The following EXD3 variants were observed in gnomAD, a reference collection of about 807,000 sequenced individuals.
EXD3 encodes the protein exonuclease 3'-5' domain containing 3, also known as exonuclease mut-7 homolog.
Under a neutral mutation model 98.0 loss-of-function variants are expected in EXD3, and 92 were observed. The ratio of observed to expected loss-of-function variants is 0.94; its 90% CI spans 0.79 to 1.12. The LOEUF (loss-of-function observed/expected upper bound fraction) is 1.12, where lower values mean the gene tolerates loss of function less well. Among genes scored for constraint, EXD3 ranks in the 50% most tolerant of loss-of-function variants. The pLI, the probability that EXD3 is intolerant of heterozygous loss-of-function variation, is 0.00. For missense variants in EXD3, 1,222 were observed against 1,191.6 expected (o/e 1.03, Z -0.38); for synonymous variants, 569 against 526.0 (o/e 1.08, Z -1.12).
chr9:137,307,220 G>T lies in EXD3; in HGVS notation c.2361C>A (p.Arg787=). 6.4e-7 allele frequency: 1 copy of T among 1,573,098 alleles called. No individual in the cohort carries two copies. The highest frequency in any genetic ancestry group is 8.6e-7 in the Non-Finnish European group (1 of 1,159,666). ...DAAPEGCTYD[R]PCRWLQMADL... ...CAGCCATCTGCAGCCAGCGGCAGGG[G>T]CGGTCATAGGTGCAGCCCTCAGGGG... Residue 787 remains arginine (R), a synonymous_variant, in exon 22 of 22, where the codon CGC becomes CGA. Transcript: ENST00000340951.
intron 8 of EXD3, among the ~76,000 whole-genome samples, chr9:137,355,383 G>A (rs924720299): frequency 8.6e-5 from 13 of 151,680 alleles, no homozygotes; most frequent in Non-Finnish European, 1.6e-4. Flanking sequence ...GCGCAGCCAC[G>A]GGGAGCCGGG....
At chr9:137,322,011 C>A (rs1403732835) in intron 19 of EXD3, among the ~76,000 whole-genome samples, 2 of 152,180 alleles carry the variant, frequency 1.3e-5, no homozygotes, top group Non-Finnish European at 2.9e-5. Flanking sequence ...CCACTGGGGA[C>A]AGGAGAGGAG....
chr9:137,341,040 G>GT (rs1833626499), intron 17 of EXD3, among the ~76,000 whole-genome samples: 1 of 152,226 alleles, frequency 6.6e-6, no homozygotes. Context: ...GCCAAGCTGG[G>GT]CAGGGTGGCT....
chr9:137,376,343 C>CAAAAAAAA (rs765888922), intron 3 of EXD3, among the ~76,000 whole-genome samples: 2 of 39,958 alleles, frequency 5.0e-5, no homozygotes, highest in Admixed American at 2.9e-4. Context: ...GACTCTGTCT[C>CAAAAAAAA]AAAAAAAAAA....
Position 137,372,265 on chromosome 9 carries a change from C to T in EXD3, c.462+640G>A, listed in dbSNP as rs913501781. 1.2e-4 allele frequency among the ~76,000 whole-genome samples: 19 copies of T among 152,214 alleles called. 1 individual carries two copies. Among genetic ancestry groups the T allele is most frequent in the African/African-American group, 2.9e-4 (12 of 41,464 alleles). ...GCATCTCGCACCTGGGCGACTGTGC[C>T]GAGGTGCGACTGGTGCCCTGGCCCT... is the stretch of plus-strand genomic sequence containing the variant. On this transcript the variant is annotated intron_variant, in intron 5 of 21. Transcript: ENST00000340951.
intron 19 of EXD3, among the ~76,000 whole-genome samples, chr9:137,315,824 C>T (rs1178491125): frequency 6.6e-6 from 1 of 151,888 alleles, no homozygotes; most frequent in Non-Finnish European, 1.5e-5. Context: ...AGACCCGGGC[C>T]GCTCCCACCT....
chr9:137,351,497 C>A lies in EXD3; in HGVS notation c.1205G>T (p.Trp402Leu), dbSNP rs1269212738. The A allele has an allele frequency of 1.3e-6, 2 of 1,595,722 alleles. No individual in the cohort carries two copies. Among genetic ancestry groups the A allele is most frequent in the South Asian group, 2.3e-5 (2 of 88,400 alleles). ...GCCCCCAGCAACAAACACAGGTGTCCACTCCACGTCTACACCAACCACTTG... is the reference window on the plus strand; with the variant it reads ...GCCCCCAGCAACAAACACAGGTGTCAACTCCACGTCTACACCAACCACTTG... Reference protein sequence around the residue: ...CHQVVGVDVEWTPVFVAGGRP... With the variant: ...CHQVVGVDVELTPVFVAGGRP... Residue 402 changes from tryptophan (W) to leucine (L), a missense_variant, in exon 13 of 22, where the codon TGG becomes TTG. Coordinates refer to ENST00000340951, the MANE Select transcript of EXD3 (RefSeq NM_017820.5).
rs190387413 is a variant in EXD3, at chr9:137,400,464, C to T, written c.-47-5060G>A. Among the ~76,000 whole-genome samples, 22 of 152,296 alleles carry T rather than the reference C, an allele frequency of 1.4e-4. 1 individual carries two copies. The East Asian group carries it at 4.2e-3, about 29-fold the overall frequency. On this transcript the variant is annotated intron_variant, in intron 1 of 21. Coordinates refer to ENST00000340951, the MANE Select transcript of EXD3 (RefSeq NM_017820.5). ...TAGATACAATGGGGGTACAGGTATT[C>T]AGTACATACAGCCATTCTGGGCCGG...
In EXD3 at chr9:137,412,153, C is replaced by T. The variant is rs1022462748; in HGVS notation, c.-48+10961G>A. Reference sequence around the variant, plus strand: ...TGCGGCAAGGACAGGGGGCTGGAGGCCGGCCTGAGACCCAGAGCGAGTGGG... The same window carrying T: ...TGCGGCAAGGACAGGGGGCTGGAGGTCGGCCTGAGACCCAGAGCGAGTGGG... On this transcript the variant is annotated intron_variant, in intron 1 of 21. Transcript: ENST00000340951. 2.0e-5 allele frequency among the ~76,000 whole-genome samples: 3 copies of T among 152,226 alleles called. No individual in the cohort carries two copies. The South Asian group carries it at 6.2e-4, about 31-fold the overall frequency.
rs527731286 is a variant in EXD3, at chr9:137,403,057, T to G, written c.-47-7653A>C. 1.3e-5 allele frequency among the ~76,000 whole-genome samples: 2 copies of G among 152,198 alleles called. No homozygotes were observed. Among genetic ancestry groups the G allele is most frequent in the East Asian group, 1.9e-4 (1 of 5,166 alleles). ...CTGGGAGATACAATTCAAGTTGAGA[T>G]GTGGGTGAGGACACAGCCAAAGCAT... On this transcript the variant is annotated intron_variant, in intron 1 of 21. Transcript: ENST00000340951. The surrounding 1 kb of genome is among the most constrained non-coding windows in gnomAD (Gnocchi z 6.1).
chr9:137,354,283 C>A, intron 10 of EXD3, 56 bp downstream of exon 10: 1 of 1,600,268 alleles, frequency 6.2e-7, no homozygotes, highest in Admixed American at 1.7e-5. Flanking sequence ...GGCCTGTGCC[C>A]CTAGGACAGC....
chr9:137,366,904 T>C (rs1038486739), intron 6 of EXD3, among the ~76,000 whole-genome samples: 1 of 152,316 alleles, frequency 6.6e-6, no homozygotes, highest in South Asian at 2.1e-4. Flanking sequence ...TCACCAAATG[T>C]GGGGAGGCAG....
chr9:137,419,525 T>C (rs929660495), intron 1 of EXD3, among the ~76,000 whole-genome samples: 1 of 151,888 alleles, frequency 6.6e-6, no homozygotes, highest in Non-Finnish European at 1.5e-5. Context: ...CAAAATTAGC[T>C]GGGCATGGTG....
At position 137,313,828 on chromosome 9, in the gene EXD3, A is replaced by G. The variant is rs550435612; in HGVS notation, c.2185-4128T>C. On this transcript the variant is annotated intron_variant, in intron 19 of 21. Transcript: ENST00000340951. ...TGCTCATTTAGAGCAAACTGGGAAAACGGCAAAGCATGAAAGAGCAAAGAT... is the reference window on the plus strand; with the variant it reads ...TGCTCATTTAGAGCAAACTGGGAAAGCGGCAAAGCATGAAAGAGCAAAGAT... Among the ~76,000 whole-genome samples the G allele has an allele frequency of 2.0e-5, 3 of 152,248 alleles. No individual in the cohort carries two copies. In the East Asian group the frequency reaches 5.8e-4, roughly 29 times the overall value.
intron 2 of EXD3, chr9:137,392,715 T>TCTGTTCCAGGAGCACCAGG (rs1836988227): frequency 3.0e-6 from 1 of 336,546 alleles, no homozygotes; most frequent in African/African-American, 2.4e-5. Flanking sequence ...GGGGGCTGTG[T>TCTGTTCCAGGAGCACCAGG]CTGTTCCAGG....
intron 5 of EXD3, among the ~76,000 whole-genome samples, chr9:137,370,985 C>T (rs773190592): frequency 2.0e-5 from 3 of 152,234 alleles, no homozygotes; most frequent in Admixed American, 6.5e-5. Context: ...GGCCTGAATG[C>T]GGCCTCTTTC....
intron 2 of EXD3, among the ~76,000 whole-genome samples, chr9:137,391,521 C>G (rs1836906933): frequency 6.6e-6 from 1 of 152,150 alleles, no homozygotes; most frequent in Non-Finnish European, 1.5e-5. Flanking sequence ...CCCAGGCCGG[C>G]AGGCTTCCTG....
rs571541545 is a variant in EXD3, at chr9:137,349,527, C to T, written c.1499G>A (p.Arg500Gln). The T allele has an allele frequency of 5.5e-5, 88 of 1,588,284 alleles. No homozygotes were observed. Among genetic ancestry groups the T allele is most frequent in the Non-Finnish European group, 4.8e-5 (56 of 1,170,710 alleles). ...GGCTGGGGCTGGCACGCTCGCCACC[C>T]GCATCTGCTAAGACAGTGCCCTGCA... ...MDLLLVHRQM[R>Q]VASVPAPAVD... Residue 500 changes from arginine (R) to glutamine (Q), a missense_variant, in exon 15 of 22, where the codon CGG becomes CAG. Transcript: ENST00000340951. The surrounding 1 kb of genome is among the most constrained non-coding windows in gnomAD (Gnocchi z 7.4).
chr9:137,383,384 A>T lies in EXD3; in HGVS notation c.56-7T>A. 1.3e-6 allele frequency: 2 copies of T among 1,539,866 alleles called. No homozygotes were observed. The highest frequency in any genetic ancestry group is 1.8e-6 in the Non-Finnish European group (2 of 1,141,006). The stretch of plus-strand genomic sequence containing the variant: ...AGCAGGAGGGGGTCCCGGCCTGTGG[A>T]GATAAGATAACAGCCGTGGGAGGGA... On this transcript the variant is annotated splice_polypyrimidine_tract_variant and splice_region_variant and intron_variant, in intron 2 of 21. Transcript: ENST00000340951.
Sources: gnomAD v4.1 joint callset for allele counts (sites outside exome capture counted in the v4.1 genomes callset) on GRCh38, gnomAD v4.1.1 for gene constraint, Gnocchi (gnomAD v3.1) non-coding constraint, MANE v1.5 for transcripts, NCBI Gene and HGNC (gene_info 2026-07-23, HGNC 2026-07-21) for gene names.